FAM107A: variants seen among roughly 807,000 people sequenced by gnomAD.
FAM107A encodes actin-associated protein FAM107A.
A neutral mutation model predicts 13.7 loss-of-function variants in FAM107A; 19 were observed. The ratio of observed to expected loss-of-function variants is 1.38; its 90% CI spans 0.97 to 2.03. The LOEUF is 2.03. Ranked by LOEUF, FAM107A falls within the 30% of genes most tolerant of loss-of-function variation. FAM107A has a pLI of 0.00. For synonymous variants in FAM107A, 82 were observed against 74.5 expected, an observed-to-expected ratio of 1.10 and a Z score of -0.52; for missense variants, 203 against 184.4, an observed-to-expected ratio of 1.10 and a Z score of -0.58.
At chr3:58,567,147 G>C in intron 3 of FAM107A, 61 bp downstream of exon 3, 1 of 1,586,008 alleles carries the variant, frequency 6.3e-7, no homozygotes, top group East Asian at 2.2e-5. Context: ...CCACAGCAGA[G>C]CTCCTCCCTG....
intron 1 of FAM107A, among the ~76,000 whole-genome samples, chr3:58,616,612 T>C (rs2065904228): frequency 6.7e-6 from 1 of 149,600 alleles, no homozygotes; most frequent in East Asian, 2.0e-4. Context: ...CACCACGTGA[T>C]GACAAGGGCA....
rs908148156 is a variant in FAM107A, at chr3:58,577,113, C to T, written c.-6+196G>A. Among the ~76,000 whole-genome samples, 4 of 152,204 alleles carry T rather than the reference C, an allele frequency of 2.6e-5. No homozygotes were observed. Among genetic ancestry groups the T allele is most frequent in the African/African-American group, 4.8e-5 (2 of 41,444 alleles). Reference sequence around the variant, plus strand: ...CGCTTCTTTGTCTCCTACCCTTTTCCGAAACCCAGGGTGCCTGGAGGCATC... The same window carrying T: ...CGCTTCTTTGTCTCCTACCCTTTTCTGAAACCCAGGGTGCCTGGAGGCATC... On this transcript the variant is annotated intron_variant, in intron 1 of 3. Coordinates refer to ENST00000360997, the MANE Select transcript of FAM107A (RefSeq NM_001076778.3). The surrounding 1 kb of genome is among the most constrained non-coding windows in gnomAD (Gnocchi z 4.9).
intron 1 of FAM107A, among the ~76,000 whole-genome samples, chr3:58,576,514 A>G (rs1424673082): frequency 6.6e-6 from 1 of 152,242 alleles, no homozygotes; most frequent in African/African-American, 2.4e-5. Flanking sequence ...CACCACCAAC[A>G]GAACTAAGAG....
At chr3:58,587,731 G>A (rs181020327), upstream of FAM107A, among the ~76,000 whole-genome samples, 4 of 152,240 alleles carry the variant, frequency 2.6e-5, no homozygotes, top group South Asian at 2.1e-4. Context: ...GGCCAATCAG[G>A]TCTAAAGGTG....
At chr3:58,602,141 C>T (rs571332838) in intron 1 of FAM107A, among the ~76,000 whole-genome samples, 3 of 152,294 alleles carry the variant, frequency 2.0e-5, no homozygotes, top group South Asian at 4.1e-4. Context: ...AGACACCCAA[C>T]AGGCTTTGCC....
chr3:58,581,433 G>A (rs912669747), upstream of FAM107A, among the ~76,000 whole-genome samples: 7 of 152,184 alleles, frequency 4.6e-5, no homozygotes, highest in Admixed American at 3.3e-4. Context: ...GCCCATGGGC[G>A]CCTAGAACAG....
At chr3:58,597,224 C>T (rs1338411444) in intron 1 of FAM107A, among the ~76,000 whole-genome samples, 1 of 152,182 alleles carries the variant, frequency 6.6e-6, no homozygotes, top group Admixed American at 6.5e-5. Flanking sequence ...CAGCAGTGGA[C>T]TTGGGGGATC....
At chr3:58,583,490 C>T (rs184037913) in intron 1 of FAM107A, among the ~76,000 whole-genome samples, 17 of 151,944 alleles carry the variant, frequency 1.1e-4, no homozygotes, top group Admixed American at 3.9e-4. Context: ...GGCGTGGTGG[C>T]GGGAGCCTGT....
chr3:58,594,117 C>T (rs535205481), intron 1 of FAM107A, among the ~76,000 whole-genome samples: 1 of 152,300 alleles, frequency 6.6e-6, no homozygotes, highest in East Asian at 1.9e-4. Flanking sequence ...ATCTCCAAAG[C>T]CCAACTATGG....
chr3:58,611,819 C>T (rs1575455657), intron 1 of FAM107A, among the ~76,000 whole-genome samples: 2 of 152,102 alleles, frequency 1.3e-5, no homozygotes, highest in South Asian at 4.1e-4. Flanking sequence ...GGATGGTGCA[C>T]GTAAAGTATT....
intron 1 of FAM107A, among the ~76,000 whole-genome samples, chr3:58,624,831 A>G (rs1283484273): frequency 6.6e-6 from 1 of 152,182 alleles, no homozygotes; most frequent in Non-Finnish European, 1.5e-5. Context: ...ACTTTCACAC[A>G]TACTACCAAC....
chr3:58,614,036 C>G (rs1022027825), intron 1 of FAM107A, among the ~76,000 whole-genome samples: 1 of 152,176 alleles, frequency 6.6e-6, no homozygotes, highest in African/African-American at 2.4e-5. Context: ...GATGGGAGAT[C>G]CCTGGAAAAA....
At chr3:58,600,302 A>C (rs1231224653) in intron 1 of FAM107A, among the ~76,000 whole-genome samples, 1 of 152,204 alleles carries the variant, frequency 6.6e-6, no homozygotes, top group East Asian at 1.9e-4. Context: ...GTGAGGCCTC[A>C]GAGAAGACCT....
Position 58,569,725 on chromosome 3 carries a change from C to A in FAM107A, c.136G>T (p.Glu46Ter). 6.2e-7 allele frequency: 1 copy of A among 1,613,946 alleles called. No individual in the cohort carries two copies. Among genetic ancestry groups the A allele is most frequent in the Non-Finnish European group, 8.5e-7 (1 of 1,179,934 alleles). ...TTCATGAGCAGCTCCCGGTGGAGCT[C>A]CTGGTGACTCCGAGAGGCCTTCACG... Reference protein sequence around the residue: ...NPVKASRSHQELHRELLMNHR... With the variant: ...NPVKASRSHQ Residue 46 changes from glutamate (E) to a stop codon, truncating the protein, a stop_gained, in exon 2 of 4, where the codon GAG becomes TAG. Coordinates refer to ENST00000360997, the MANE Select transcript of FAM107A (RefSeq NM_001076778.3). LOFTEE classifies it high-confidence loss of function. The surrounding 1 kb of genome is among the most constrained non-coding windows in gnomAD (Gnocchi z 5.7).
chr3:58,610,548 C>T (rs2065843791), intron 1 of FAM107A, among the ~76,000 whole-genome samples: 1 of 152,190 alleles, frequency 6.6e-6, no homozygotes, highest in Non-Finnish European at 1.5e-5. Context: ...TTAACTTCTC[C>T]ATGCCTAAGT....
chr3:58,598,092 G>A (rs1192584285), intron 1 of FAM107A, among the ~76,000 whole-genome samples: 1 of 152,086 alleles, frequency 6.6e-6, no homozygotes, highest in African/African-American at 2.4e-5. Context: ...CCACTCTCTG[G>A]AGCCCACAGC....
At chr3:58,593,344 C>T (rs1317438408) in intron 1 of FAM107A, among the ~76,000 whole-genome samples, 1 of 152,218 alleles carries the variant, frequency 6.6e-6, no homozygotes, top group Admixed American at 6.5e-5. Flanking sequence ...TTGGACTGCA[C>T]CCCAAAAACT....
chr3:58,566,499 G>T lies in FAM107A; in HGVS notation c.*89C>A, dbSNP rs1283213807. On this transcript the variant is annotated 3_prime_UTR_variant, in exon 4 of 4. Transcript: ENST00000360997. ...GGTGGGAACATCACAGACGTCCCAG[G>T]GCCTGGGGCCCAGGGCTGCCAGGTA... is the stretch of plus-strand genomic sequence containing the variant. 3 of 862,408 alleles carry T rather than the reference G, an allele frequency of 3.5e-6. No homozygotes were observed. The highest frequency in any genetic ancestry group is 5.7e-6 in the Non-Finnish European group (3 of 522,994). 53.4% of individuals were successfully genotyped at this position (862,408 alleles called of 1,614,324 possible).
chr3:58,619,077 T>C (rs942620704), intron 1 of FAM107A, among the ~76,000 whole-genome samples: 3 of 152,206 alleles, frequency 2.0e-5, no homozygotes, highest in Non-Finnish European at 4.4e-5. Flanking sequence ...CATGGCTCAC[T>C]GCAGCCTTGA....
Sources: gnomAD v4.1 joint callset for allele counts (sites outside exome capture counted in the v4.1 genomes callset) on GRCh38, gnomAD v4.1.1 for gene constraint, Gnocchi (gnomAD v3.1) non-coding constraint, MANE v1.5 for transcripts, NCBI Gene and HGNC (gene_info 2026-07-23, HGNC 2026-07-21) for gene names.